The following ANO6 variants were observed in gnomAD, a reference collection of about 807,000 sequenced individuals.
The protein encoded by ANO6 is anoctamin 6, also known as anoctamin-6.
ANO6 carries 106 observed loss-of-function variants against 117.5 expected under a neutral mutation model. The observed-to-expected ratio is 0.90, with a 90% CI of 0.77 to 1.06. ANO6 has a LOEUF of 1.06. ANO6 is among the 50% of genes least tolerant of loss of function. ANO6 has a pLI of 0.00. For missense variants in ANO6, 955 were observed against 1,121.1 expected (o/e 0.85, Z 2.12); for synonymous variants, 367 against 385.1 (o/e 0.95, Z 0.55).
At chr12:45,353,506 T>A (rs532952413) in intron 7 of ANO6, among the ~76,000 whole-genome samples, 1 of 152,332 alleles carries the variant, frequency 6.6e-6, no homozygotes, top group South Asian at 2.1e-4. Context: ...TCCCAACTAT[T>A]TTAAATATAT....
At chr12:45,338,942 A>G (rs1389859850) in intron 3 of ANO6, among the ~76,000 whole-genome samples, 2 of 151,998 alleles carry the variant, frequency 1.3e-5, no homozygotes, top group East Asian at 3.9e-4. Flanking sequence ...CCTTTTTCTG[A>G]TTGCTCCTCC....
chr12:45,281,548 A>G (rs2137255301), intron 1 of ANO6, among the ~76,000 whole-genome samples: 1 of 152,250 alleles, frequency 6.6e-6, no homozygotes, highest in South Asian at 2.1e-4. Flanking sequence ...GAGAGAGGAG[A>G]ATACCATACT....
chr12:45,216,144 T>G lies in ANO6; in HGVS notation c.-178T>G, dbSNP rs2137108269. 1.5e-6 allele frequency: 1 copy of G among 664,638 alleles called. No individual in the cohort carries two copies. Among genetic ancestry groups the G allele is most frequent in the Admixed American group, 2.7e-5 (1 of 36,632 alleles). 41.2% of individuals were successfully genotyped at this position (664,638 alleles called of 1,614,324 possible). ...CGAGAGGCGTCCTCCGGCTCTGGGC[T>G]CCGGTCGGTGGGTGCCTCGGCTCGG... On this transcript the variant is annotated 5_prime_UTR_variant, in exon 1 of 20. Coordinates refer to ENST00000320560, the MANE Select transcript of ANO6 (RefSeq NM_001025356.3).
At chr12:45,313,804 G>A (rs1017212540) in intron 2 of ANO6, among the ~76,000 whole-genome samples, 5 of 152,042 alleles carry the variant, frequency 3.3e-5, no homozygotes, top group Admixed American at 6.6e-5. Flanking sequence ...GCACTTACAC[G>A]TGCTAATGTA....
chr12:45,432,978 C>A (rs1355943299), downstream of ANO6, among the ~76,000 whole-genome samples: 1 of 152,192 alleles, frequency 6.6e-6, no homozygotes, highest in Non-Finnish European at 1.5e-5. Context: ...GTTATACTAA[C>A]AAAGTCAGAG....
intron 7 of ANO6, among the ~76,000 whole-genome samples, chr12:45,351,700 C>CTGTT (rs1941284745): frequency 6.6e-6 from 1 of 152,032 alleles, no homozygotes; most frequent in Non-Finnish European, 1.5e-5. Flanking sequence ...TACAGTGGCC[C>CTGTT]TGAGATGCAC....
intron 1 of ANO6, among the ~76,000 whole-genome samples, chr12:45,291,074 A>G (rs986824095): frequency 6.6e-6 from 1 of 152,238 alleles, no homozygotes; most frequent in African/African-American, 2.4e-5. Flanking sequence ...TGCTGCAGCA[A>G]CTGGATTTCC....
chr12:45,323,935 A>ATTTTTTTTTTTTTTTTTTTTTTTTTTTT (rs761870704), intron 2 of ANO6, among the ~76,000 whole-genome samples: 3 of 108,330 alleles, frequency 2.8e-5, no homozygotes, highest in Non-Finnish European at 5.5e-5. Context: ...TTGTTGTTGT[A>ATTTTTTTTTTTTTTTTTTTTTTTTTTTT]TTTTTTTTTT....
chr12:45,431,122 A>G lies in ANO6; in HGVS notation c.*1811A>G, dbSNP rs1021734332. ...ATTGTCCCAGTGGATCCGGGACCCC[A>G]TTTCACTGTCTCTCTTGATCGTGTT... On this transcript the variant is annotated 3_prime_UTR_variant, in exon 20 of 20. Transcript: ENST00000320560. The G allele has an allele frequency of 2.0e-6, 2 of 985,320 alleles. No individual in the cohort carries two copies. The highest frequency in any genetic ancestry group is 2.4e-6 in the Non-Finnish European group (2 of 829,838). The allele number at this position is 985,320 out of a possible 1,614,324, so 61.0% of individuals were successfully genotyped here.
Position 45,429,459 on chromosome 12 carries a change from G to C in ANO6, c.*148G>C. The C allele has an allele frequency of 6.8e-7, 1 of 1,473,704 alleles. No individual in the cohort carries two copies. Among genetic ancestry groups the C allele is most frequent in the Non-Finnish European group, 8.9e-7 (1 of 1,118,996 alleles). The allele number at this position is 1,473,704 out of a possible 1,614,324, so 91.3% of individuals were successfully genotyped here. ...CCTCATGTATTATTTTTCAGTTTCA[G>C]CTAGCGATGCAGAAACTGGAAAATG... On this transcript the variant is annotated 3_prime_UTR_variant, in exon 20 of 20. Transcript: ENST00000320560.
intron 1 of ANO6, among the ~76,000 whole-genome samples, chr12:45,249,186 A>G (rs1328445470): frequency 6.6e-6 from 1 of 152,230 alleles, no homozygotes; most frequent in Non-Finnish European, 1.5e-5. Context: ...AAATACAGCA[A>G]CTTAGTTTGA....
intron 1 of ANO6, among the ~76,000 whole-genome samples, chr12:45,253,884 C>G (rs193101578): frequency 2.0e-4 from 31 of 152,260 alleles, no homozygotes; most frequent in African/African-American, 7.2e-4. Flanking sequence ...CAGGAAAGTT[C>G]GCCACGGAGT....
intron 8 of ANO6, among the ~76,000 whole-genome samples, chr12:45,361,032 T>C (rs1415344017): frequency 1.3e-5 from 2 of 152,240 alleles, no homozygotes; most frequent in Non-Finnish European, 2.9e-5. Context: ...TTGTTTTGGC[T>C]GTTCTGGGTC....
intron 1 of ANO6, among the ~76,000 whole-genome samples, chr12:45,228,852 A>G (rs1947529402): frequency 6.6e-6 from 1 of 152,110 alleles, no homozygotes; most frequent in Non-Finnish European, 1.5e-5. Flanking sequence ...TCTGCCCCTC[A>G]TTTCTCTAAG....
rs771566862 is a variant in ANO6, at chr12:45,216,272, C to T, written c.-50C>T. On this transcript the variant is annotated 5_prime_UTR_variant, in exon 1 of 20. Coordinates refer to ENST00000320560, the MANE Select transcript of ANO6 (RefSeq NM_001025356.3). ...GGGAGAGCCGCGCCGTTCTGGAACC[C>T]GGGAGCCCCCAACTTCGCGCCAAGT... is the stretch of plus-strand genomic sequence containing the variant. 1.9e-6 allele frequency: 3 copies of T among 1,568,512 alleles called. No homozygotes were observed. The highest frequency in any genetic ancestry group is 2.6e-6 in the Non-Finnish European group (3 of 1,156,156).
chr12:45,242,955 C>T (rs1445116804), intron 1 of ANO6, among the ~76,000 whole-genome samples: 1 of 152,174 alleles, frequency 6.6e-6, no homozygotes, highest in African/African-American at 2.4e-5. Flanking sequence ...TATCTAATTT[C>T]TGCTGTAACC....
rs182290814 is a variant in ANO6 at position 45,373,889 on chromosome 12, G to C, written c.1105-4164G>C. ...AGCAGAACTGAAGGAAATAGAGACA[G>C]AAAAAACCCTTCAAAAAATTAATGA... is the stretch of plus-strand genomic sequence containing the variant. On this transcript the variant is annotated intron_variant, in intron 9 of 19. Transcript: ENST00000320560. Among the ~76,000 whole-genome samples the C allele has an allele frequency of 3.3e-4, 50 of 151,862 alleles. 1 individual carries two copies. The East Asian group carries it at 4.1e-3, about 12-fold the overall frequency.
chr12:45,339,708 T>C (rs1265552760), intron 3 of ANO6, among the ~76,000 whole-genome samples: 1 of 152,146 alleles, frequency 6.6e-6, no homozygotes, highest in Non-Finnish European at 1.5e-5. Flanking sequence ...TAATGTATTC[T>C]GCTTACCAAA....
At chr12:45,305,025 G>A (rs1319659155) in intron 2 of ANO6, among the ~76,000 whole-genome samples, 1 of 152,194 alleles carries the variant, frequency 6.6e-6, no homozygotes, top group Non-Finnish European at 1.5e-5. Context: ...GCATATCTGT[G>A]TTGCTCTTCT....
Sources: allele counts gnomAD v4.1 joint callset (sites outside exome capture counted in the v4.1 genomes callset), GRCh38; gene constraint gnomAD v4.1.1; transcripts MANE v1.5; gene names NCBI Gene and HGNC (gene_info 2026-07-23, HGNC 2026-07-21).